Variants in ALDH7A1 observed in about 807,000 individuals in gnomAD.
The protein encoded by ALDH7A1 is aldehyde dehydrogenase 7 family member A1, also known as alpha-aminoadipic semialdehyde dehydrogenase.
A neutral mutation model predicts 79.9 loss-of-function variants in ALDH7A1; 63 were observed. The ratio of observed to expected loss-of-function variants is 0.79; its 90% confidence interval spans 0.64 to 0.97. The LOEUF (loss-of-function observed/expected upper bound fraction) is 0.97, where lower values mean the gene tolerates loss of function less well. Ranked by LOEUF, ALDH7A1 falls within the 50% of genes least tolerant of loss-of-function variation. ALDH7A1 has a pLI of 0.00. For synonymous variants in ALDH7A1, 240 were observed against 231.2 expected (o/e 1.04, Z -0.34); for missense variants, 627 against 665.2 (o/e 0.94, Z 0.63).
intron 5 of ALDH7A1, among the ~76,000 whole-genome samples, chr5:126,578,145 C>T (rs1446341682): frequency 9.9e-5 from 15 of 151,466 alleles, no homozygotes; most frequent in African/African-American, 3.4e-4. Context: ...AAAAATTAGC[C>T]GGGCGTGGTG....
intron 12 of ALDH7A1, chr5:126,554,628 T>C (rs948087032): frequency 1.7e-5 from 9 of 537,870 alleles, no homozygotes; most frequent in African/African-American, 1.5e-4. Flanking sequence ...AAAGCAGCCA[T>C]AAATGACATG....
At chr5:126,572,555 C>T (rs1358700998) in intron 7 of ALDH7A1, among the ~76,000 whole-genome samples, 2 of 152,154 alleles carry the variant, frequency 1.3e-5, no homozygotes, top group East Asian at 1.9e-4. Flanking sequence ...TTAGACAACC[C>T]GGCTTATGGT....
At chr5:126,556,810 G>C (rs72786506) in intron 11 of ALDH7A1, among the ~76,000 whole-genome samples, 28,075 of 152,118 alleles carry the variant, frequency 0.18, 3,096 homozygotes, top group Middle Eastern at 0.27. Context: ...AAGTGGCAGA[G>C]CTGAACTTGC....
At chr5:126,564,338 G>T (rs753075305) in intron 9 of ALDH7A1, 2 of 339,590 alleles carry the variant, frequency 5.9e-6, no homozygotes, top group African/African-American at 2.1e-5. Context: ...GTAGGGATGG[G>T]AGTTTCACCA....
intron 10 of ALDH7A1, among the ~76,000 whole-genome samples, chr5:126,559,909 C>T (rs1750344817): frequency 6.6e-6 from 1 of 151,664 alleles, no homozygotes; most frequent in Admixed American, 6.6e-5. Context: ...TCTCACTCCT[C>T]TGGCCTCTTC....
Position 126,593,308 on chromosome 5 carries a change from AACAC to A in ALDH7A1, c.246+39_246+42del, listed in dbSNP as rs142510783. On this transcript the variant is annotated intron_variant, in intron 2 of 17. Coordinates refer to ENST00000409134, the MANE Select transcript of ALDH7A1 (RefSeq NM_001182.5). ...AACTCCTTGTGTATAATTTGAATTA[AACAC>A]ACACACACACACACACACACACACA... is the stretch of plus-strand genomic sequence containing the variant. The A allele has an allele frequency of 0.017, 25,637 of 1,528,184 alleles. 890 individuals are homozygous for A. In the African/African-American group the frequency reaches 0.2, roughly 12 times the overall value. The allele number at this position is 1,528,184 out of a possible 1,614,324, so 94.7% of individuals were successfully genotyped here. A position where few individuals can be genotyped will look rare whatever the true frequency, so the allele number is the denominator to read the frequency against.
At chr5:126,594,967 A>G (rs1751690694) in intron 1 of ALDH7A1, 40 bp downstream of exon 1, 3 of 1,556,484 alleles carry the variant, frequency 1.9e-6, no homozygotes, top group Non-Finnish European at 2.6e-6. Flanking sequence ...TCCTCGAGCG[A>G]GCCCCGGCGG....
chr5:126,554,384 A>G lies in ALDH7A1; in HGVS notation c.1103T>C (p.Leu368Pro), dbSNP rs1581362576. The change falls in exon 13 of 18, where the codon CTC becomes CCC. Residue 368 changes from leucine to proline, a missense_variant. Coordinates refer to ENST00000409134, the MANE Select transcript of ALDH7A1 (RefSeq NM_001182.5). ...CTGCTTGGTGTGGAGTGGCCCATAG[A>G]GAACATTAGCTGGAGAGAGAAAAGG... Reference protein sequence around the residue: ...RVGNPWDPNVLYGPLHTKQAV... With the variant: ...RVGNPWDPNVPYGPLHTKQAV... 9 of 1,614,066 alleles carry G rather than the reference A, an allele frequency of 5.6e-6. No individual in the cohort carries two copies. The highest frequency in any genetic ancestry group is 7.6e-6 in the Non-Finnish European group (9 of 1,179,960).
intron 6 of ALDH7A1, among the ~76,000 whole-genome samples, chr5:126,576,704 T>C (rs1315555710): frequency 6.6e-6 from 1 of 152,114 alleles, no homozygotes; most frequent in East Asian, 1.9e-4. Context: ...GGCAGGTGGA[T>C]CACCTGAGGT....
At chr5:126,585,487 C>G (rs576943621) in intron 3 of ALDH7A1, among the ~76,000 whole-genome samples, 1 of 152,330 alleles carries the variant, frequency 6.6e-6, no homozygotes, top group East Asian at 1.9e-4. Context: ...AAGTGTATCA[C>G]TGTCTCTTAG....
At chr5:126,545,972 G>C (rs1749771498) in intron 17 of ALDH7A1, among the ~76,000 whole-genome samples, 1 of 151,992 alleles carries the variant, frequency 6.6e-6, no homozygotes, top group Non-Finnish European at 1.5e-5. Context: ...AATTAGCCGG[G>C]TGCTGTGGCT....
intron 9 of ALDH7A1, among the ~76,000 whole-genome samples, chr5:126,562,744 A>T (rs2112773915): frequency 6.6e-6 from 1 of 152,226 alleles, no homozygotes; most frequent in African/African-American, 2.4e-5. Context: ...GCTACTCAGG[A>T]GGCTGAGGCA....
chr5:126,568,379 G>T (rs752054063), intron 8 of ALDH7A1, 23 bp from the exon 9 acceptor site: 1 of 1,603,462 alleles, frequency 6.2e-7, no homozygotes, highest in Admixed American at 1.7e-5. Context: ...AGACACGGTC[G>T]GCCACCCAAG....
rs575507184 is a variant in ALDH7A1, at chr5:126,590,807, C to T, written c.312+1857G>A. Among the ~76,000 whole-genome samples, 8 of 151,764 alleles carry T rather than the reference C, an allele frequency of 5.3e-5. No individual in the cohort carries two copies. In the South Asian group the frequency reaches 1.3e-3, roughly 24 times the overall value. ...GAGGCTGAGATGGGAGGATCCCAGG[C>T]CCAGAAGGCAGAGGTTACAGTGAGC... On this transcript the variant is annotated intron_variant, in intron 3 of 17. Transcript: ENST00000409134.
chr5:126,550,332 T>G, intron 14 of ALDH7A1, 39 bp from the exon 15 acceptor site: 3 of 1,476,948 alleles, frequency 2.0e-6, no homozygotes, highest in Non-Finnish European at 2.8e-6. Flanking sequence ...GATGTTATAG[T>G]GTTCAAGTCA....
chr5:126,594,855 C>T (rs1751687034), intron 1 of ALDH7A1, 152 bp downstream of exon 1: 3 of 1,024,282 alleles, frequency 2.9e-6, no homozygotes, highest in Non-Finnish European at 2.9e-6. Flanking sequence ...GTTTTAAAGG[C>T]ACCCTACACG....
At chr5:126,582,758 T>C in intron 5 of ALDH7A1, 93 bp downstream of exon 5, 1 of 1,461,122 alleles carries the variant, frequency 6.8e-7, no homozygotes, top group Non-Finnish European at 9.5e-7. Flanking sequence ...TTGAAATTTC[T>C]CTTTTGCACA....
rs772877760 is a variant in ALDH7A1 at position 126,568,350 on chromosome 5, T to C, written c.780A>G (p.Ala260=). The C allele has an allele frequency of 1.4e-5, 22 of 1,613,908 alleles. No individual in the cohort carries two copies. The Admixed American group carries it at 3.7e-4, about 27-fold the overall frequency. Residue 260 remains alanine, a synonymous_variant, in exon 9 of 18, where the codon GCA becomes GCG. Transcript: ENST00000409134. ...GGTTCACTCGTTCATCTTTGGCCAT[T>C]GCTGTGCTGCAAGGGAACAGACACG... ...LTCGGADIGT[A]MAKDERVNLL...
chr5:126,569,018 G>A (rs1750689486), intron 8 of ALDH7A1: 1 of 153,794 alleles, frequency 6.5e-6, no homozygotes, highest in Non-Finnish European at 1.4e-5. Flanking sequence ...CCAGGATGCT[G>A]ACCAGTACCA....
Sources: allele counts gnomAD v4.1 joint callset (sites outside exome capture counted in the v4.1 genomes callset), GRCh38; gene constraint gnomAD v4.1.1; transcripts MANE v1.5; gene names NCBI Gene and HGNC (gene_info 2026-07-23, HGNC 2026-07-21).